The following NDC80 variants were observed in gnomAD, a reference collection of about 807,000 sequenced individuals.
NDC80 encodes kinetochore protein NDC80 homolog.
A neutral mutation model predicts 89.3 loss-of-function variants in NDC80; 69 were observed. The ratio of observed to expected loss-of-function variants is 0.77; its 90% CI spans 0.64 to 0.94. The LOEUF is 0.94. Among genes scored for constraint, NDC80 ranks in the 40% least tolerant of loss-of-function variants. The pLI is 0.00. For synonymous variants in NDC80, 243 were observed against 255.6 expected, an observed-to-expected ratio of 0.95 and a Z score of 0.47; for missense variants, 593 against 739.6, an observed-to-expected ratio of 0.80 and a Z score of 2.30.
chr18:2,576,711 G>C (rs986970912), intron 3 of NDC80, among the ~76,000 whole-genome samples: 1 of 152,084 alleles, frequency 6.6e-6, no homozygotes, highest in South Asian at 2.1e-4. Context: ...ATTTTGATTG[G>C]CATAAGTGAC....
chr18:2,579,070 GT>G, intron 6 of NDC80, 41 bp downstream of exon 6: 8 of 1,239,996 alleles, frequency 6.5e-6, no homozygotes, highest in Admixed American at 2.8e-5. Context: ...ATGGGAAAGG[GT>G]TTTTTTCCTC....
chr18:2,575,683 G>A (rs555205601), intron 3 of NDC80, among the ~76,000 whole-genome samples: 116 of 152,162 alleles, frequency 7.6e-4, no homozygotes, highest in African/African-American at 2.6e-3. Flanking sequence ...CCAGCACTTT[G>A]GGAGGCCAAG....
chr18:2,573,142 A>T, intron 2 of NDC80, 56 bp downstream of exon 2: 1 of 1,352,064 alleles, frequency 7.4e-7, no homozygotes, highest in Non-Finnish European at 1.0e-6. Context: ...AGGCAAAGAA[A>T]TCATAAGAAA....
chr18:2,593,013 G>GGTGTGTGTGTGTGTGTGTGT (rs56851912), intron 10 of NDC80, among the ~76,000 whole-genome samples: 1 of 108,398 alleles, frequency 9.2e-6, no homozygotes. Flanking sequence ...AATAAACTCT[G>GGTGTGTGTGTGTGTGTGTGT]GTGTGTGTGT....
chr18:2,597,883 G>A (rs2072665535), intron 11 of NDC80, among the ~76,000 whole-genome samples: 1 of 152,196 alleles, frequency 6.6e-6, no homozygotes. Flanking sequence ...CTCACTCAGG[G>A]AGAGAAGAGA....
chr18:2,575,949 ATT>A (rs1379823071), intron 3 of NDC80, among the ~76,000 whole-genome samples: 1 of 152,162 alleles, frequency 6.6e-6, no homozygotes, highest in Admixed American at 6.5e-5. Flanking sequence ...CAATTTAAAA[ATT>A]AGCCAAGCAT....
Position 2,595,423 on chromosome 18 carries a change from A to G in NDC80, c.1023A>G (p.Glu341=), listed in dbSNP as rs1420599078. Residue 341 remains glutamate, a synonymous_variant, in exon 11 of 17, where the codon GAA becomes GAG. Coordinates refer to ENST00000261597, the MANE Select transcript of NDC80 (RefSeq NM_006101.3). ...LNEEIARVEL[E]CETIKQENTR... is the part of the protein sequence containing the mutation. Reference sequence around the variant, plus strand: ...GGTTTTTTTCCAACACAGAACTAGAATGTGAAACAATAAAACAGGAGAACA... The same window carrying G: ...GGTTTTTTTCCAACACAGAACTAGAGTGTGAAACAATAAAACAGGAGAACA... The G allele has an allele frequency of 6.2e-7, 1 of 1,613,304 alleles. No homozygotes were observed. The highest frequency in any genetic ancestry group is 2.2e-5 in the East Asian group (1 of 44,842).
At chr18:2,602,679 A>C (rs927065421) in intron 13 of NDC80, among the ~76,000 whole-genome samples, 1 of 152,206 alleles carries the variant, frequency 6.6e-6, no homozygotes, top group African/African-American at 2.4e-5. Flanking sequence ...GGAAAGTTAT[A>C]AAATGGCTAC....
chr18:2,606,358 G>T (rs2072711366), intron 13 of NDC80, 57 bp from the exon 14 acceptor site: 2 of 1,187,970 alleles, frequency 1.7e-6, no homozygotes, highest in South Asian at 3.0e-5. Context: ...TCTATAACTT[G>T]TTAAAATATC....
In NDC80 at chr18:2,610,805, G is replaced by C; in HGVS notation, c.1735G>C (p.Gly579Arg). The C allele has an allele frequency of 6.3e-7, 1 of 1,590,352 alleles. No individual in the cohort carries two copies. Among genetic ancestry groups the C allele is most frequent in the Non-Finnish European group, 8.6e-7 (1 of 1,163,522 alleles). Residue 579 changes from glycine to arginine, a missense_variant, in exon 16 of 17, where the codon GGA becomes CGA. Gly to Arg is a moderately radical substitution (Grantham distance 125, BLOSUM62 -2). Coordinates refer to ENST00000261597, the MANE Select transcript of NDC80 (RefSeq NM_006101.3). ...QTTTEERRKV[G>R]NNLQRLLEMV... is the part of the protein sequence containing the mutation. ...CACGACTGAAGAAAGACGAAAAGTG[G>C]GAAATAACTTGCAACGTCTGTTAGA...
At chr18:2,587,624 T>C (rs987620836) in intron 7 of NDC80, among the ~76,000 whole-genome samples, 4 of 152,218 alleles carry the variant, frequency 2.6e-5, no homozygotes, top group African/African-American at 9.6e-5. Context: ...TTTATCCTCA[T>C]TATTCATATT....
At chr18:2,611,336 A>G (rs538772268) in intron 16 of NDC80, among the ~76,000 whole-genome samples, 2 of 152,324 alleles carry the variant, frequency 1.3e-5, no homozygotes, top group South Asian at 4.1e-4. Context: ...GGCGTGAGCC[A>G]CCGCACCCAG....
intron 3 of NDC80, 140 bp downstream of exon 3, chr18:2,575,206 T>A: frequency 1.5e-6 from 1 of 669,026 alleles, no homozygotes; most frequent in Non-Finnish European, 2.6e-6. Flanking sequence ...TTTAAATGGT[T>A]AAAATTTTAG....
chr18:2,571,991 G>A (rs1259996893), intron 1 of NDC80, among the ~76,000 whole-genome samples: 1 of 152,214 alleles, frequency 6.6e-6, no homozygotes, highest in Non-Finnish European at 1.5e-5. Flanking sequence ...GAGAGGACTC[G>A]TTGGGTGGGT....
At chr18:2,584,283 G>A (rs1294358419) in intron 6 of NDC80, among the ~76,000 whole-genome samples, 14 of 127,802 alleles carry the variant, frequency 1.1e-4, no homozygotes, top group Admixed American at 1.6e-4. Flanking sequence ...GTGAGACTCC[G>A]TCTCAAAAAA....
chr18:2,606,078 A>C (rs1166464766), intron 13 of NDC80, among the ~76,000 whole-genome samples: 2 of 151,650 alleles, frequency 1.3e-5, no homozygotes, highest in Non-Finnish European at 2.9e-5. Flanking sequence ...AGTCTAAATA[A>C]AGCTAGATTT....
At chr18:2,576,696 C>T (rs2072547786) in intron 3 of NDC80, among the ~76,000 whole-genome samples, 1 of 152,146 alleles carries the variant, frequency 6.6e-6, no homozygotes, top group Admixed American at 6.5e-5. Flanking sequence ...GATAGAAATG[C>T]TCATATTTTG....
At chr18:2,588,653 G>T (rs1180321435) in intron 8 of NDC80, among the ~76,000 whole-genome samples, 3 of 152,160 alleles carry the variant, frequency 2.0e-5, no homozygotes, top group African/African-American at 7.2e-5. Context: ...AGTCCCCTGG[G>T]ATTGTATCTT....
chr18:2,610,873 A>G lies in NDC80; in HGVS notation c.1791+12A>G, dbSNP rs1219151179. ...TTGGGTCTGTAGAGGTAAGTATGTGATGGTCTTTCCTACGTTCTAAGAAAG... is the reference window on the plus strand; with the variant it reads ...TTGGGTCTGTAGAGGTAAGTATGTGGTGGTCTTTCCTACGTTCTAAGAAAG... On this transcript the variant is annotated intron_variant, in intron 16 of 16. Coordinates refer to ENST00000261597, the MANE Select transcript of NDC80 (RefSeq NM_006101.3). 6.9e-7 allele frequency: 1 copy of G among 1,447,580 alleles called. No individual in the cohort carries two copies. Among genetic ancestry groups the G allele is most frequent in the Non-Finnish European group, 9.3e-7 (1 of 1,070,038 alleles). 89.7% of individuals were successfully genotyped at this position (1,447,580 alleles called of 1,614,324 possible). A position where few individuals can be genotyped will look rare whatever the true frequency, so the allele number is the denominator to read the frequency against.
Sources: allele counts gnomAD v4.1 joint callset (sites outside exome capture counted in the v4.1 genomes callset), GRCh38; gene constraint gnomAD v4.1.1; transcripts MANE v1.5; gene names NCBI Gene and HGNC (gene_info 2026-07-23, HGNC 2026-07-21).